The following THSD1 variants were observed in gnomAD, a reference collection of about 807,000 sequenced individuals.
The protein encoded by THSD1 is thrombospondin type-1 domain-containing protein 1.
A neutral mutation model predicts 46.3 loss-of-function variants in THSD1; 34 were observed. The observed-to-expected ratio is 0.74, with a 90% CI of 0.56 to 0.98. THSD1 has a LOEUF of 0.98. Ranked by LOEUF, THSD1 falls within the 50% of genes least tolerant of loss-of-function variation. The probability of loss-of-function intolerance (pLI) is 0.00; values close to 1 mark genes in which losing one functional copy is unlikely to be tolerated. For synonymous variants in THSD1, 407 were observed against 416.5 expected, an observed-to-expected ratio of 0.98 and a Z score of 0.28; for missense variants, 1,023 against 1,058.3, an observed-to-expected ratio of 0.97 and a Z score of 0.46.
rs767079273 is a variant in THSD1 at position 52,377,942 on chromosome 13, C to T, written c.2028G>A (p.Arg676=). ...TCCTAGAGCTGTAGGCAGGGGCCTG[C>T]CGTGGAGTCAGAGTGGACATGCTCC... The part of the protein sequence containing the change: ...RERSMSTLTP[R]QAPAYSSRTR... Residue 676 remains arginine, a synonymous_variant, in exon 5 of 5, where the codon CGG becomes CGA. Transcript: ENST00000258613. 1 of 1,614,182 alleles carries T rather than the reference C, an allele frequency of 6.2e-7. No individual in the cohort carries two copies. Among genetic ancestry groups the T allele is most frequent in the South Asian group, 1.1e-5 (1 of 91,082 alleles).
chr13:52,386,402 A>G (rs1055825870), intron 3 of THSD1, among the ~76,000 whole-genome samples: 1 of 152,174 alleles, frequency 6.6e-6, no homozygotes, highest in Non-Finnish European at 1.5e-5. Flanking sequence ...AGAACCCAAA[A>G]AAGAGCTGAG....
intron 2 of THSD1, among the ~76,000 whole-genome samples, chr13:52,402,055 G>T (rs146309113): frequency 6.6e-6 from 1 of 152,294 alleles, no homozygotes; most frequent in East Asian, 1.9e-4. Context: ...ACCCTGTAAA[G>T]TCAATATTAT....
chr13:52,378,234 T>A lies in THSD1; in HGVS notation c.1736A>T (p.Glu579Val). 6 of 1,614,232 alleles carry A rather than the reference T, an allele frequency of 3.7e-6. No homozygotes were observed. The Middle Eastern group carries it at 6.6e-4, about 178-fold the overall frequency. ...GATCCGGAACTTGTTTGCTGCAGCT[T>A]CTTCCGGGCTTTCCAAATCTAAGGG... is the stretch of plus-strand genomic sequence containing the variant. ...SAPLDLESPE[E>V]AAANKFRIKS... Residue 579 changes from glutamate to valine, a missense_variant, in exon 5 of 5, where the codon GAA becomes GTA. By Grantham distance (121) the Glu-to-Val change is moderately radical. This residue lies in a region of THSD1 where 578 missense variants were observed against 497.4 expected (regional missense o/e 1.16). Coordinates refer to ENST00000258613, the MANE Select transcript of THSD1 (RefSeq NM_018676.4).
intron 1 of THSD1, among the ~76,000 whole-genome samples, chr13:52,403,966 T>TA (rs1555253752): frequency 2.9e-4 from 32 of 109,960 alleles, no homozygotes; most frequent in African/African-American, 5.7e-4. Flanking sequence ...TTTTTTTTTT[T>TA]AGACAGAGTC....
Position 52,397,585 on chromosome 13 carries a change from C to A in THSD1, c.668G>T (p.Gly223Val). 6.2e-7 allele frequency: 1 copy of A among 1,614,154 alleles called. No individual in the cohort carries two copies. Among genetic ancestry groups the A allele is most frequent in the East Asian group, 2.2e-5 (1 of 44,880 alleles). ...AYVTVVLKLL[G>V]RDSVITSTGP... ...TGTGGAGGTAATGACTGAGTCTCGC[C>A]CAAGCAGCTTCAGCACCACGGTGAC... Residue 223 changes from glycine (G) to valine (V), a missense_variant, in exon 3 of 5, where the codon GGG becomes GTG. Physicochemically the swap from Gly to Val is moderately radical, Grantham distance 109. This residue lies in a region of THSD1 where 429 missense variants were observed against 518.3 expected (regional missense o/e 0.83). Coordinates refer to ENST00000258613, the MANE Select transcript of THSD1 (RefSeq NM_018676.4).
In THSD1 at chr13:52,383,093, A is replaced by C. The variant is rs74085746; in HGVS notation, c.1180+2935T>G. ...AGCTTCTATAGCAAGCTGTGGGTAC[A>C]TTTTTCATTGCAGGCCCTATAATAT... On this transcript the variant is annotated intron_variant, in intron 4 of 4. Coordinates refer to ENST00000258613, the MANE Select transcript of THSD1 (RefSeq NM_018676.4). Among the ~76,000 whole-genome samples the C allele has an allele frequency of 8.9e-3, 1,350 of 151,998 alleles. 18 individuals are homozygous for C. Among genetic ancestry groups the C allele is most frequent in the African/African-American group, 0.031 (1,291 of 41,448 alleles).
At chr13:52,389,758 C>A (rs564887109) in intron 3 of THSD1, among the ~76,000 whole-genome samples, 51 of 152,004 alleles carry the variant, frequency 3.4e-4, no homozygotes, top group Non-Finnish European at 6.5e-4. Context: ...AAAACTCTCC[C>A]AGCCATTATT....
intron 2 of THSD1, among the ~76,000 whole-genome samples, chr13:52,400,603 AAAACAAAC>A (rs552746254): frequency 1.1e-4 from 17 of 152,018 alleles, no homozygotes; most frequent in Non-Finnish European, 1.8e-4. Context: ...CCATCTCAAA[AAAACAAAC>A]AAACAAACAA....
chr13:52,405,105 A>G (rs1449307477), intron 1 of THSD1, among the ~76,000 whole-genome samples: 54 of 152,250 alleles, frequency 3.5e-4, no homozygotes, highest in Admixed American at 1.3e-4. Flanking sequence ...GAACTTAGAT[A>G]TATTTTATAC....
chr13:52,402,446 G>T, intron 2 of THSD1, 97 bp downstream of exon 2: 2 of 1,217,070 alleles, frequency 1.6e-6, no homozygotes, highest in Non-Finnish European at 1.2e-6. Flanking sequence ...ACCCTACCCT[G>T]CCTCCTTCAG....
chr13:52,386,271 A>T (rs1264654712), intron 3 of THSD1, 85 bp from the exon 4 acceptor site: 47 of 1,430,702 alleles, frequency 3.3e-5, no homozygotes, highest in Non-Finnish European at 4.3e-5. Context: ...GCAAAACTCA[A>T]ATCTCAGGTC....
intron 3 of THSD1, among the ~76,000 whole-genome samples, chr13:52,391,434 T>C (rs905922697): frequency 5.3e-5 from 8 of 151,870 alleles, no homozygotes; most frequent in Non-Finnish European, 2.9e-5. Flanking sequence ...CCCAGGCTGG[T>C]CTCAAACTCC....
At chr13:52,403,430 A>G (rs1957879307) in intron 1 of THSD1, among the ~76,000 whole-genome samples, 1 of 152,138 alleles carries the variant, frequency 6.6e-6, no homozygotes, top group Non-Finnish European at 1.5e-5. Flanking sequence ...GAGGGCAGGG[A>G]AGACCTTGCT....
At chr13:52,402,425 C>G in intron 2 of THSD1, 118 bp downstream of exon 2, 2 of 841,144 alleles carry the variant, frequency 2.4e-6, no homozygotes, top group Non-Finnish European at 3.7e-6. Context: ...TGAGAAAGCA[C>G]TGCACTATAT....
chr13:52,389,114 C>T (rs1355125688), intron 3 of THSD1, among the ~76,000 whole-genome samples: 55 of 151,906 alleles, frequency 3.6e-4, no homozygotes, highest in Admixed American at 3.3e-3. Flanking sequence ...GTGTGTATCA[C>T]GATGCCCAGC....
chr13:52,397,487 C>T lies in THSD1; in HGVS notation c.766G>A (p.Val256Ile), dbSNP rs765042863. ...GGTGGAGGCAGCACTGTCACCTCTACCCCGGACTCACATGTGAGTTCTGGC... is the reference window on the plus strand; with the variant it reads ...GGTGGAGGCAGCACTGTCACCTCTATCCCGGACTCACATGTGAGTTCTGGC... ...MVPELTCESG[V>I]EVTVLPPPCT... The change falls in exon 3 of 5, where the codon GTA (valine) becomes ATA (isoleucine). Residue 256 changes from valine (V) to isoleucine (I), a missense_variant. By Grantham distance (29) the Val-to-Ile change is conservative (BLOSUM62 3). This residue lies in a region of THSD1 where 429 missense variants were observed against 518.3 expected (regional missense o/e 0.83). Coordinates refer to ENST00000258613, the MANE Select transcript of THSD1 (RefSeq NM_018676.4). The T allele has an allele frequency of 6.2e-6, 10 of 1,614,026 alleles. No individual in the cohort carries two copies. Among genetic ancestry groups the T allele is most frequent in the South Asian group, 3.3e-5 (3 of 91,080 alleles).
chr13:52,388,930 A>G (rs1207850648), intron 3 of THSD1, among the ~76,000 whole-genome samples: 1 of 152,042 alleles, frequency 6.6e-6, no homozygotes, highest in African/African-American at 2.4e-5. Flanking sequence ...GAGTAAACAT[A>G]TATATTATAA....
chr13:52,378,019 TG>T lies in THSD1; in HGVS notation c.1950del (p.Phe650LeufsTer24). 1 of 1,614,166 alleles carries T rather than the reference TG, an allele frequency of 6.2e-7. No individual in the cohort carries two copies. The highest frequency in any genetic ancestry group is 1.3e-5 in the African/African-American group (1 of 75,052). On this transcript the variant is annotated frameshift_variant, in exon 5 of 5. Transcript: ENST00000258613. LOFTEE classifies it high-confidence loss of function. ...SERSHARNAH[F>X]RRTASFHEAR... ...GCTTCATGGAAACTCGCTGTCCTCC[TG>T]AAATGGGCGTTCCTGGCATGGCTCC... is the stretch of plus-strand genomic sequence containing the variant.
chr13:52,389,410 C>A (rs181259198), intron 3 of THSD1, among the ~76,000 whole-genome samples: 246 of 151,758 alleles, frequency 1.6e-3, no homozygotes, highest in African/African-American at 5.8e-3. Flanking sequence ...AAAATAAATC[C>A]AACCATATAA....
Sources: gnomAD v4.1 joint callset for allele counts (sites outside exome capture counted in the v4.1 genomes callset) on GRCh38, gnomAD v4.1.1 for gene constraint, gnomAD v4.1.1 regional missense constraint, MANE v1.5 for transcripts, NCBI Gene and HGNC (gene_info 2026-07-23, HGNC 2026-07-21) for gene names.